The following HCRTR2 variants were observed in gnomAD, a reference collection of about 807,000 sequenced individuals.
HCRTR2 encodes orexin receptor type 2.
HCRTR2 carries 22 observed loss-of-function variants against 49.0 expected under a neutral mutation model. The ratio of observed to expected loss-of-function variants is 0.45; its 90% CI spans 0.32 to 0.64. The LOEUF (loss-of-function observed/expected upper bound fraction) is 0.64, where lower values mean the gene tolerates loss of function less well. Ranked by LOEUF, HCRTR2 falls within the 30% of genes least tolerant of loss-of-function variation. The pLI is 0.04. For missense variants in HCRTR2, 491 were observed against 559.4 expected, an observed-to-expected ratio of 0.88 and a Z score of 1.23; for synonymous variants, 236 against 205.3, an observed-to-expected ratio of 1.15 and a Z score of -1.28.
intron 2 of HCRTR2, among the ~76,000 whole-genome samples, chr6:55,251,527 T>A (rs1339729242): frequency 1.3e-5 from 2 of 151,980 alleles, no homozygotes; most frequent in Admixed American, 6.6e-5. Flanking sequence ...TGATTTTTTT[T>A]AACTGCAGAA....
intron 1 of HCRTR2, among the ~76,000 whole-genome samples, chr6:55,247,887 T>G (rs895456296): frequency 6.6e-6 from 1 of 152,058 alleles, no homozygotes; most frequent in African/African-American, 2.4e-5. Context: ...TATATGTACT[T>G]TATTACAGTA....
chr6:55,252,537 C>G (rs1426037270), intron 2 of HCRTR2, among the ~76,000 whole-genome samples: 2 of 151,950 alleles, frequency 1.3e-5, no homozygotes, highest in Non-Finnish European at 2.9e-5. Flanking sequence ...CCCAGGTTAG[C>G]AATGGTATTG....
intron 1 of HCRTR2, among the ~76,000 whole-genome samples, chr6:55,225,467 G>T (rs1005439392): frequency 6.6e-6 from 1 of 152,030 alleles, no homozygotes; most frequent in Non-Finnish European, 1.5e-5. Context: ...TGATACAAAG[G>T]CATATGAGTT....
At chr6:55,168,075 C>T (rs1467593221) in intron 1 of HCRTR2, among the ~76,000 whole-genome samples, 1 of 152,128 alleles carries the variant, frequency 6.6e-6, no homozygotes, top group African/African-American at 2.4e-5. Flanking sequence ...TGAGTTCAGG[C>T]CTGATCAACA....
intron 1 of HCRTR2, among the ~76,000 whole-genome samples, chr6:55,213,468 G>A (rs192118958): frequency 1.7e-4 from 26 of 152,176 alleles, no homozygotes; most frequent in Admixed American, 7.9e-4. Flanking sequence ...ACCTCCTTCC[G>A]TCCATGGAAC....
chr6:55,174,562 T>C lies in HCRTR2; in HGVS notation c.-26T>C. On this transcript the variant is annotated 5_prime_UTR_variant, in exon 1 of 7. An upstream open reading frame in the 5' UTR loses its in-frame stop. Coordinates refer to ENST00000370862, the MANE Select transcript of HCRTR2 (RefSeq NM_001384272.1). The stretch of plus-strand genomic sequence containing the variant: ...GCAGGCGGAGAGGAGCTTGCAGCAT[T>C]GAGCGGAACCGGACTTGAGCCCGTG... The C allele has an allele frequency of 3.1e-6, 5 of 1,590,150 alleles. No individual in the cohort carries two copies. The highest frequency in any genetic ancestry group is 1.1e-5 in the South Asian group (1 of 90,566).
intron 1 of HCRTR2, among the ~76,000 whole-genome samples, chr6:55,247,777 G>A (rs778642092): frequency 6.6e-6 from 1 of 152,130 alleles, no homozygotes; most frequent in Non-Finnish European, 1.5e-5. Context: ...GGCAATGAGG[G>A]AGGCTGGCTA....
rs1581849304 is a variant in HCRTR2, at chr6:55,239,760, C to T, written c.224-8879C>T. 2.7e-5 allele frequency among the ~76,000 whole-genome samples: 4 copies of T among 150,426 alleles called. 1 individual carries two copies. The highest frequency in any genetic ancestry group is 9.8e-5 in the African/African-American group (4 of 40,964). On this transcript the variant is annotated intron_variant, in intron 1 of 6. Coordinates refer to ENST00000370862, the MANE Select transcript of HCRTR2 (RefSeq NM_001384272.1). ...CATTTAAGATACATTGCTGTTTGTG[C>T]ATAGGCGGTAAATTTTTTTTTTTTT...
Position 55,272,099 on chromosome 6 carries a change from G to A in HCRTR2, c.763-5281G>A, listed in dbSNP as rs55662628. Reference sequence around the variant, plus strand: ...ATATAATTCATAGTAGCCAAAAAGTGGAAACAACCCAAATGTTATCAATGA... The same window carrying A: ...ATATAATTCATAGTAGCCAAAAAGTAGAAACAACCCAAATGTTATCAATGA... On this transcript the variant is annotated intron_variant, in intron 4 of 6. Transcript: ENST00000370862. Among the ~76,000 whole-genome samples, 902 of 152,024 alleles carry A rather than the reference G, an allele frequency of 5.9e-3. 12 individuals are homozygous for A. The highest frequency in any genetic ancestry group is 0.02 in the African/African-American group (837 of 41,506).
intron 1 of HCRTR2, among the ~76,000 whole-genome samples, chr6:55,229,706 T>C (rs1342746551): frequency 6.6e-6 from 1 of 152,148 alleles, no homozygotes; most frequent in Non-Finnish European, 1.5e-5. Context: ...AAACAGAGAC[T>C]AGAATGGTAG....
intron 1 of HCRTR2, among the ~76,000 whole-genome samples, chr6:55,181,936 C>T (rs953512170): frequency 3.3e-5 from 5 of 152,170 alleles, no homozygotes; most frequent in African/African-American, 1.2e-4. Context: ...TCTTACAAGT[C>T]CTTAAATACC....
chr6:55,233,715 A>G (rs193082759), intron 1 of HCRTR2, among the ~76,000 whole-genome samples: 26 of 152,208 alleles, frequency 1.7e-4, no homozygotes, highest in Middle Eastern at 3.4e-3. Flanking sequence ...CAAATAAATA[A>G]ATAAAGTCTG....
intron 1 of HCRTR2, among the ~76,000 whole-genome samples, chr6:55,157,671 G>A (rs1047877055): frequency 6.6e-6 from 1 of 152,212 alleles, no homozygotes. Flanking sequence ...TAAGTTCCAG[G>A]CAGCCAGCAA....
intron 1 of HCRTR2, among the ~76,000 whole-genome samples, chr6:55,148,820 C>T (rs1232648703): frequency 6.6e-6 from 1 of 151,982 alleles, no homozygotes; most frequent in African/African-American, 2.4e-5. Flanking sequence ...CATGCTTAAA[C>T]ACATATGGGA....
chr6:55,230,844 A>T (rs1766100778), intron 1 of HCRTR2, among the ~76,000 whole-genome samples: 2 of 147,066 alleles, frequency 1.4e-5, no homozygotes, highest in Admixed American at 1.4e-4. Context: ...CAGGTCAAAG[A>T]TTTTTTTTTT....
chr6:55,171,287 G>C (rs1429655596), upstream of HCRTR2, among the ~76,000 whole-genome samples: 1 of 152,162 alleles, frequency 6.6e-6, no homozygotes, highest in Non-Finnish European at 1.5e-5. Context: ...ACTGGAGTGA[G>C]GCACTGGTCT....
intron 1 of HCRTR2, among the ~76,000 whole-genome samples, chr6:55,142,192 T>TA (rs202092811): frequency 8.6e-5 from 13 of 151,584 alleles, no homozygotes; most frequent in African/African-American, 2.7e-4. Context: ...ACTGACCATT[T>TA]AAAAAAAAAT....
intron 1 of HCRTR2, among the ~76,000 whole-genome samples, chr6:55,162,697 GACAA>G (rs771188438): frequency 8.5e-5 from 13 of 152,064 alleles, no homozygotes; most frequent in East Asian, 1.9e-4. Context: ...ACTAATAATA[GACAA>G]ACAGAGAGCC....
At chr6:55,170,127 A>C (rs1764927916), upstream of HCRTR2, among the ~76,000 whole-genome samples, 1 of 151,850 alleles carries the variant, frequency 6.6e-6, no homozygotes, top group Non-Finnish European at 1.5e-5. Context: ...GAGCTAAAAT[A>C]AATGACAAGA....
Sources: gnomAD v4.1 joint callset for allele counts (sites outside exome capture counted in the v4.1 genomes callset) on GRCh38, gnomAD v4.1.1 for gene constraint, MANE v1.5 for transcripts, NCBI Gene and HGNC (gene_info 2026-07-23, HGNC 2026-07-21) for gene names.